DCC: variants seen among roughly 807,000 people sequenced by gnomAD.
DCC encodes the protein netrin receptor DCC.
Under a neutral mutation model 172.5 loss-of-function variants are expected in DCC, and 58 were observed. The ratio of observed to expected loss-of-function variants is 0.34; its 90% CI spans 0.27 to 0.42. The LOEUF (loss-of-function observed/expected upper bound fraction) is 0.42, where lower values mean the gene tolerates loss of function less well. DCC is among the 10% of genes least tolerant of loss of function. The probability of loss-of-function intolerance (pLI) is 1.00; values close to 1 mark genes in which losing one functional copy is unlikely to be tolerated. For missense variants in DCC, 1,740 were observed against 1,791.0 expected (o/e 0.97, Z 0.51); for synonymous variants, 709 against 644.5 (o/e 1.10, Z -1.52).
intron 13 of DCC, among the ~76,000 whole-genome samples, chr18:53,309,458 G>A (rs572831788): frequency 6.6e-6 from 1 of 152,286 alleles, no homozygotes; most frequent in Non-Finnish European, 1.5e-5. Context: ...AAGGTCACAT[G>A]CTGATCCTTC....
chr18:53,427,803 C>T (rs1467551181), intron 21 of DCC, among the ~76,000 whole-genome samples: 1 of 132,748 alleles, frequency 7.5e-6, no homozygotes, highest in Non-Finnish European at 1.5e-5. Flanking sequence ...CTTCTAAAAA[C>T]AGAAATATAT....
intron 3 of DCC, among the ~76,000 whole-genome samples, chr18:52,920,529 A>C (rs1418915183): frequency 1.3e-5 from 2 of 152,070 alleles, no homozygotes; most frequent in Non-Finnish European, 2.9e-5. Flanking sequence ...AAAATACAAA[A>C]AAAATAATGG....
chr18:52,613,405 G>T (rs1234998494), intron 1 of DCC, among the ~76,000 whole-genome samples: 3 of 151,848 alleles, frequency 2.0e-5, no homozygotes, highest in African/African-American at 7.3e-5. Flanking sequence ...ACAGGCACCC[G>T]CCACCACGCC....
intron 12 of DCC, among the ~76,000 whole-genome samples, chr18:53,220,430 G>C (rs2055914950): frequency 6.6e-6 from 1 of 152,098 alleles, no homozygotes; most frequent in Non-Finnish European, 1.5e-5. Flanking sequence ...GGAAAAACAT[G>C]CTTCTTCATG....
chr18:52,927,128 C>CGTATATATACGTGTATACGTGT (rs2040225507), intron 5 of DCC, among the ~76,000 whole-genome samples: 1 of 36,462 alleles, frequency 2.7e-5, no homozygotes, highest in Non-Finnish European at 7.4e-5. Context: ...TGTATATACA[C>CGTATATATACGTGTATACGTGT]GTATATACGT....
At chr18:52,570,694 T>G (rs2033272692) in intron 1 of DCC, among the ~76,000 whole-genome samples, 1 of 152,230 alleles carries the variant, frequency 6.6e-6, no homozygotes, top group African/African-American at 2.4e-5. Flanking sequence ...CAGTTTGGTC[T>G]CATGATACTA....
chr18:53,318,193 T>C (rs563368136), intron 13 of DCC, among the ~76,000 whole-genome samples: 18 of 152,290 alleles, frequency 1.2e-4, no homozygotes, highest in African/African-American at 4.1e-4. Context: ...TTTGTTCTCA[T>C]TGGTTTCAAA....
intron 27 of DCC, 66 bp downstream of exon 27, chr18:53,499,576 A>G (rs1222811526): frequency 1.5e-6 from 2 of 1,330,292 alleles, no homozygotes; most frequent in African/African-American, 1.4e-5. Flanking sequence ...TAAGTGCATG[A>G]GGGTGCTTGA....
chr18:53,330,485 A>T lies in DCC; in HGVS notation c.2164+8328A>T, dbSNP rs2057518660. 2.0e-5 allele frequency among the ~76,000 whole-genome samples: 3 copies of T among 152,172 alleles called. No individual in the cohort carries two copies. The South Asian group carries it at 6.2e-4, about 31-fold the overall frequency. On this transcript the variant is annotated intron_variant, in intron 14 of 28. Coordinates refer to ENST00000442544, the MANE Select transcript of DCC (RefSeq NM_005215.4). ...CTCACATCATTTGTCACCTGAAAGT[A>T]GCCTCAGGTTTGCTATTTTTCTGGA... is the stretch of plus-strand genomic sequence containing the variant.
chr18:52,631,375 A>G (rs527536756), intron 1 of DCC, among the ~76,000 whole-genome samples: 1 of 152,388 alleles, frequency 6.6e-6, no homozygotes, highest in South Asian at 2.1e-4. Flanking sequence ...GGATATTTCA[A>G]TAGGAGGTCT....
chr18:52,624,312 A>C (rs1310192119), intron 1 of DCC, among the ~76,000 whole-genome samples: 1 of 152,180 alleles, frequency 6.6e-6, no homozygotes, highest in Non-Finnish European at 1.5e-5. Context: ...CCCACCTTCA[A>C]AGAGATTGTG....
intron 25 of DCC, among the ~76,000 whole-genome samples, chr18:53,478,518 A>C (rs2045793921): frequency 1.3e-5 from 2 of 152,144 alleles, no homozygotes; most frequent in African/African-American, 4.8e-5. Context: ...CTTGAATTTT[A>C]TATATTTGTC....
chr18:52,592,180 A>G (rs2033814833), intron 1 of DCC, among the ~76,000 whole-genome samples: 1 of 152,168 alleles, frequency 6.6e-6, no homozygotes, highest in African/African-American at 2.4e-5. Flanking sequence ...TGAGCTCCCA[A>G]TATTTTCAAC....
At chr18:52,970,038 TTAA>T in intron 5 of DCC, among the ~76,000 whole-genome samples, 1 of 152,248 alleles carries the variant, frequency 6.6e-6, no homozygotes, top group South Asian at 2.1e-4. Context: ...AAAAAATTAC[TTAA>T]TAAAGAATTA....
At chr18:52,666,104 C>T (rs1481614367) in intron 1 of DCC, among the ~76,000 whole-genome samples, 9 of 151,974 alleles carry the variant, frequency 5.9e-5, no homozygotes, top group Admixed American at 2.0e-4. Context: ...CTGGCCAACA[C>T]GGTGAAACCC....
intron 15 of DCC, among the ~76,000 whole-genome samples, chr18:53,351,493 GTGTA>G (rs2057812991): frequency 1.5e-5 from 1 of 64,660 alleles, no homozygotes; most frequent in Non-Finnish European, 3.1e-5. Flanking sequence ...TATATATAGT[GTGTA>G]TATATATATA....
intron 7 of DCC, among the ~76,000 whole-genome samples, chr18:53,144,961 C>A (rs571886771): frequency 6.6e-6 from 1 of 152,028 alleles, no homozygotes; most frequent in South Asian, 2.1e-4. Flanking sequence ...TCATCTTTTT[C>A]TGTATTATGC....
chr18:52,832,344 A>G (rs1384772800), intron 2 of DCC, among the ~76,000 whole-genome samples: 2 of 152,108 alleles, frequency 1.3e-5, no homozygotes, highest in African/African-American at 4.8e-5. Context: ...AATCTCATAA[A>G]TGAGAACTCT....
intron 12 of DCC, among the ~76,000 whole-genome samples, chr18:53,219,302 G>A (rs1194621304): frequency 6.6e-6 from 1 of 152,072 alleles, no homozygotes; most frequent in Non-Finnish European, 1.5e-5. Flanking sequence ...ATCTGTGCCT[G>A]TGTTTCTAAC....
Sources: allele counts gnomAD v4.1 joint callset (sites outside exome capture counted in the v4.1 genomes callset), GRCh38; gene constraint gnomAD v4.1.1; transcripts MANE v1.5; gene names NCBI Gene and HGNC (gene_info 2026-07-23, HGNC 2026-07-21).